Variants in CSMD3 observed in about 807,000 individuals in gnomAD.
The protein encoded by CSMD3 is CUB and Sushi multiple domains 3.
CSMD3 carries 177 observed loss-of-function variants against 435.2 expected under a neutral mutation model. The observed-to-expected ratio is 0.41, with a 90% CI of 0.36 to 0.46. CSMD3 has a LOEUF of 0.46. Ranked by LOEUF, CSMD3 falls within the 20% of genes least tolerant of loss-of-function variation. The pLI, the probability that CSMD3 is intolerant of heterozygous loss-of-function variation, is 0.34. For synonymous variants in CSMD3, 1,656 were observed against 1,520.5 expected (o/e 1.09, Z -2.07); for missense variants, 4,265 against 4,504.6 (o/e 0.95, Z 1.52).
intron 3 of CSMD3, among the ~76,000 whole-genome samples, chr8:113,257,224 T>A (rs1002650210): frequency 1.3e-5 from 2 of 152,146 alleles, no homozygotes; most frequent in Admixed American, 1.3e-4. Flanking sequence ...CTGGCTAACA[T>A]GGTGAAACCA....
chr8:112,692,593 G>T (rs1252476489), intron 13 of CSMD3, among the ~76,000 whole-genome samples: 1 of 152,114 alleles, frequency 6.6e-6, no homozygotes, highest in Admixed American at 6.6e-5. Flanking sequence ...TCCAAATGTG[G>T]ATTTGACAAC....
At chr8:112,332,297 A>C (rs1043510496) in intron 45 of CSMD3, among the ~76,000 whole-genome samples, 1 of 145,014 alleles carries the variant, frequency 6.9e-6, no homozygotes, top group Non-Finnish European at 1.6e-5. Flanking sequence ...AGTTCAAATT[A>C]TCAAGAAGTG....
chr8:113,004,383 A>G (rs2085977660), intron 6 of CSMD3, among the ~76,000 whole-genome samples: 1 of 152,062 alleles, frequency 6.6e-6, no homozygotes. Context: ...ACAGGAAGAT[A>G]CAAGTATTGC....
chr8:112,242,860 G>A (rs193115747), intron 65 of CSMD3, among the ~76,000 whole-genome samples: 40 of 152,216 alleles, frequency 2.6e-4, no homozygotes, highest in African/African-American at 9.4e-4. Flanking sequence ...CATAAGGACA[G>A]CTGTTGAAGC....
intron 32 of CSMD3, among the ~76,000 whole-genome samples, chr8:112,419,568 G>T (rs530581635): frequency 1.3e-5 from 2 of 152,186 alleles, no homozygotes; most frequent in Non-Finnish European, 2.9e-5. Context: ...TTCTTTGTGT[G>T]ATACTTTTGT....
intron 1 of CSMD3, among the ~76,000 whole-genome samples, chr8:113,335,513 C>CTA (rs2132806787): frequency 8.3e-6 from 1 of 120,562 alleles, no homozygotes; most frequent in African/African-American, 3.2e-5. Context: ...ACTCCTTGCT[C>CTA]TGGATTTAGC....
chr8:112,524,338 A>T (rs980315100), intron 27 of CSMD3, among the ~76,000 whole-genome samples: 3 of 143,176 alleles, frequency 2.1e-5, no homozygotes, highest in Non-Finnish European at 4.6e-5. Context: ...ATTAGTAAGT[A>T]AAAAAAAAAA....
In CSMD3 at chr8:112,224,590, C is replaced by G. The variant is rs536268514; in HGVS notation, c.*181G>C. ...GCAGCCAAATTTCTGTAAAACTCTC[C>G]ATGGTAAACATGAAGAATTATGGTC... is the stretch of plus-strand genomic sequence containing the variant. On this transcript the variant is annotated 3_prime_UTR_variant, in exon 71 of 71. Transcript: ENST00000297405. 107 of 667,106 alleles carry G rather than the reference C, an allele frequency of 1.6e-4. No homozygotes were observed. In the African/African-American group the frequency reaches 1.7e-3, roughly 11 times the overall value. 41.3% of individuals were successfully genotyped at this position (667,106 alleles called of 1,614,324 possible). A position where few individuals can be genotyped will look rare whatever the true frequency, so the allele number is the denominator to read the frequency against.
chr8:113,316,622 T>C (rs2093912323), intron 1 of CSMD3, among the ~76,000 whole-genome samples: 1 of 151,630 alleles, frequency 6.6e-6, no homozygotes. Context: ...TGATCTCGGC[T>C]CACTGCAACC....
intron 3 of CSMD3, among the ~76,000 whole-genome samples, chr8:113,217,727 G>A (rs538374884): frequency 2.6e-5 from 4 of 151,480 alleles, no homozygotes; most frequent in African/African-American, 7.2e-5. Context: ...GGAATATCAA[G>A]AGGTCTAATA....
chr8:112,304,968 C>T (rs1439593294), intron 51 of CSMD3, 53 bp from the exon 52 acceptor site: 1 of 1,320,922 alleles, frequency 7.6e-7, no homozygotes, highest in Admixed American at 1.8e-5. Context: ...ATCTCAACGT[C>T]TATTCCATTC....
chr8:112,871,597 G>T (rs1385458137), intron 10 of CSMD3, among the ~76,000 whole-genome samples: 3 of 151,952 alleles, frequency 2.0e-5, no homozygotes, highest in African/African-American at 7.2e-5. Context: ...AATTTAAAAA[G>T]AAAGGAAAGA....
intron 52 of CSMD3, among the ~76,000 whole-genome samples, chr8:112,302,630 T>G (rs530390979): frequency 8.5e-5 from 13 of 152,112 alleles, no homozygotes; most frequent in African/African-American, 3.1e-4. Flanking sequence ...ACAGATCATG[T>G]TCATTGGGCT....
At chr8:112,917,786 G>T (rs1328520989) in intron 10 of CSMD3, among the ~76,000 whole-genome samples, 1 of 151,890 alleles carries the variant, frequency 6.6e-6, no homozygotes, top group Non-Finnish European at 1.5e-5. Context: ...CAAACCAGGA[G>T]ATACATAAGA....
intron 46 of CSMD3, 48 bp from the exon 47 acceptor site, chr8:112,318,998 T>A (rs1822737034): frequency 9.5e-7 from 1 of 1,047,130 alleles, no homozygotes; most frequent in Non-Finnish European, 1.5e-6. Flanking sequence ...AAGGTGATGA[T>A]AAAAATAAAC....
At chr8:112,405,043 T>C (rs1831656505) in intron 35 of CSMD3, among the ~76,000 whole-genome samples, 1 of 150,070 alleles carries the variant, frequency 6.7e-6, no homozygotes, top group East Asian at 2.0e-4. Flanking sequence ...AAAAATTAGC[T>C]GGGCATGGTA....
At chr8:113,413,928 A>T (rs2094570477) in intron 1 of CSMD3, among the ~76,000 whole-genome samples, 1 of 152,196 alleles carries the variant, frequency 6.6e-6, no homozygotes, top group African/African-American at 2.4e-5. Context: ...TTTCAAGTGA[A>T]AGGAGAATGA....
intron 16 of CSMD3, among the ~76,000 whole-genome samples, chr8:112,669,246 G>T (rs2075600191): frequency 6.6e-6 from 1 of 151,950 alleles, no homozygotes; most frequent in Non-Finnish European, 1.5e-5. Context: ...GGCCAGGCTG[G>T]TCTTGAACTT....
chr8:113,246,384 G>C (rs2093276469), intron 3 of CSMD3, among the ~76,000 whole-genome samples: 1 of 151,724 alleles, frequency 6.6e-6, no homozygotes, highest in South Asian at 2.1e-4. Context: ...TATTTTAGTT[G>C]TTATACTTTT....
Sources: allele counts gnomAD v4.1 joint callset (sites outside exome capture counted in the v4.1 genomes callset), GRCh38; gene constraint gnomAD v4.1.1; transcripts MANE v1.5; gene names NCBI Gene and HGNC (gene_info 2026-07-23, HGNC 2026-07-21).